Variants in ZNF608 observed in about 807,000 individuals in gnomAD.
ZNF608 encodes the protein renal carcinoma antigen NY-REN-36.
In ZNF608, 12 loss-of-function variants were observed where a neutral mutation model predicts 109.0. The ratio of observed to expected loss-of-function variants is 0.11; its 90% CI spans 0.07 to 0.18. The LOEUF is 0.18. Ranked by LOEUF, ZNF608 falls within the 10% of genes least tolerant of loss-of-function variation. The probability of loss-of-function intolerance (pLI) is 1.00; values close to 1 mark genes in which losing one functional copy is unlikely to be tolerated. For synonymous variants in ZNF608, 732 were observed against 717.4 expected (o/e 1.02, Z -0.33); for missense variants, 1,707 against 1,879.3 (o/e 0.91, Z 1.70).
At chr5:124,653,571 C>CT (rs1561539287) in intron 3 of ZNF608, among the ~76,000 whole-genome samples, 1 of 152,190 alleles carries the variant, frequency 6.6e-6, no homozygotes, top group East Asian at 1.9e-4. Context: ...ATAGTTTTGT[C>CT]TATTACCTGC....
intron 5 of ZNF608, 135 bp downstream of exon 5, chr5:124,646,544 T>C: frequency 9.4e-7 from 1 of 1,067,924 alleles, no homozygotes; most frequent in Non-Finnish European, 1.3e-6. Flanking sequence ...TCTTAAGATA[T>C]TTTTCAAGAG....
chr5:124,724,776 A>G (rs1278169313), intron 2 of ZNF608, among the ~76,000 whole-genome samples: 1 of 152,224 alleles, frequency 6.6e-6, no homozygotes, highest in African/African-American at 2.4e-5. Context: ...ATCAGTTAAT[A>G]TAATTCACAC....
At chr5:124,725,116 A>G (rs1468607557) in intron 2 of ZNF608, among the ~76,000 whole-genome samples, 1 of 152,042 alleles carries the variant, frequency 6.6e-6, no homozygotes, top group Non-Finnish European at 1.5e-5. Flanking sequence ...GATTGTACAC[A>G]GGTCCTGGGT....
At chr5:124,726,653 A>T (rs973687016) in intron 2 of ZNF608, among the ~76,000 whole-genome samples, 21 of 119,914 alleles carry the variant, frequency 1.8e-4, no homozygotes, top group African/African-American at 7.8e-4. Context: ...GTCAACAGTA[A>T]GATTTGTTTA....
chr5:124,731,780 C>G (rs932691243), intron 2 of ZNF608, among the ~76,000 whole-genome samples: 1 of 151,938 alleles, frequency 6.6e-6, no homozygotes, highest in Non-Finnish European at 1.5e-5. Context: ...GAGCCGAGAT[C>G]GTGCCACTGC....
At chr5:124,718,627 G>A in intron 2 of ZNF608, among the ~76,000 whole-genome samples, 1 of 152,188 alleles carries the variant, frequency 6.6e-6, no homozygotes, top group East Asian at 1.9e-4. Context: ...AATAAGAGGA[G>A]GGGCGATGTG....
At position 124,744,272 on chromosome 5, in the gene ZNF608, C is replaced by G. The variant is rs73782079; in HGVS notation, c.718G>C (p.Ala240Pro). 119 of 1,613,620 alleles carry G rather than the reference C, an allele frequency of 7.4e-5. No individual in the cohort carries two copies. In the African/African-American group the frequency reaches 1.5e-3, roughly 21 times the overall value. The change falls in exon 2 of 10, where the codon GCC becomes CCC. Residue 240 changes from alanine (A) to proline (P), a missense_variant. Ala to Pro is a conservative substitution (Grantham distance 27). Transcript: ENST00000513986. The surrounding 1 kb of genome is among the most constrained non-coding windows in gnomAD (Gnocchi z 4.5). Reference protein sequence around the residue: ...PSGGHLYGFGAKSNGGGASPF... With the variant: ...PSGGHLYGFGPKSNGGGASPF... ...CTCGCGCCACCTCCATTGCTCTTGG[C>G]CCCAAAGCCATAGAGGTGCCCCCCG... is the stretch of plus-strand genomic sequence containing the variant.
At chr5:124,665,960 A>C (rs1751462029) in intron 3 of ZNF608, among the ~76,000 whole-genome samples, 1 of 152,272 alleles carries the variant, frequency 6.6e-6, no homozygotes, top group African/African-American at 2.4e-5. Flanking sequence ...AAAGGCAATA[A>C]AGAAAACAGA....
At chr5:124,652,686 A>G (rs1194186936) in intron 3 of ZNF608, among the ~76,000 whole-genome samples, 1 of 152,274 alleles carries the variant, frequency 6.6e-6, no homozygotes, top group African/African-American at 2.4e-5. Flanking sequence ...AGGGCCAAGT[A>G]TAAAGGCGGT....
At position 124,673,493 on chromosome 5, in the gene ZNF608, A is replaced by G. The variant is rs375723306; in HGVS notation, c.1163-23796T>C. 2.2e-3 allele frequency among the ~76,000 whole-genome samples: 340 copies of G among 152,354 alleles called. 3 individuals are homozygous for G. Among genetic ancestry groups the G allele is most frequent in the African/African-American group, 7.9e-3 (330 of 41,582 alleles). ...ATTTATTTCCTAGTAAAAAAAATGT[A>G]TAAACATTCTTACACAATGCTAGGC... On this transcript the variant is annotated intron_variant, in intron 3 of 9. Coordinates refer to ENST00000513986, the MANE Select transcript of ZNF608 (RefSeq NM_020747.3).
rs144968753 is a variant in ZNF608 at position 124,722,899 on chromosome 5, G to A, written c.906+21185C>T. Among the ~76,000 whole-genome samples the A allele has an allele frequency of 7.0e-4, 106 of 152,034 alleles. No homozygotes were observed. In the East Asian group the frequency reaches 0.018, roughly 26 times the overall value. ...TTTATATTAAGAGTTCAATAATTCT[G>A]TATACTGGATCAAAAATTATTTAAG... is the stretch of plus-strand genomic sequence containing the variant. On this transcript the variant is annotated intron_variant, in intron 2 of 9. Transcript: ENST00000513986.
intron 3 of ZNF608, among the ~76,000 whole-genome samples, chr5:124,655,361 G>A (rs1004438276): frequency 3.9e-5 from 6 of 152,178 alleles, no homozygotes; most frequent in Non-Finnish European, 7.4e-5. Flanking sequence ...TCTTTAAAGT[G>A]CCTCATCCCC....
intron 3 of ZNF608, among the ~76,000 whole-genome samples, chr5:124,681,433 G>C (rs1752192213): frequency 6.6e-6 from 1 of 152,058 alleles, no homozygotes; most frequent in Non-Finnish European, 1.5e-5. Context: ...CTCCAGCCTG[G>C]GTGACAGAGC....
chr5:124,687,604 T>A (rs1006505834), intron 3 of ZNF608, among the ~76,000 whole-genome samples: 1 of 152,208 alleles, frequency 6.6e-6, no homozygotes, highest in African/African-American at 2.4e-5. Flanking sequence ...GTCTCCTGAC[T>A]GGGTTATGTC....
At chr5:124,697,017 G>C (rs1752874188) in intron 3 of ZNF608, among the ~76,000 whole-genome samples, 1 of 151,964 alleles carries the variant, frequency 6.6e-6, no homozygotes, top group African/African-American at 2.4e-5. Flanking sequence ...GGTTTTAAAA[G>C]CTCCCAAGGT....
chr5:124,673,089 C>G (rs1293827131), intron 3 of ZNF608, among the ~76,000 whole-genome samples: 1 of 152,178 alleles, frequency 6.6e-6, no homozygotes, highest in East Asian at 1.9e-4. Flanking sequence ...CTCCAATAGC[C>G]AATGAGGGGG....
chr5:124,655,408 G>T (rs566825216), intron 3 of ZNF608, among the ~76,000 whole-genome samples: 48 of 152,276 alleles, frequency 3.2e-4, no homozygotes, highest in Admixed American at 7.2e-4. Context: ...CAAATGCTGA[G>T]TTTGGAATCA....
intron 2 of ZNF608, among the ~76,000 whole-genome samples, chr5:124,718,365 G>C (rs1456040231): frequency 1.3e-5 from 2 of 152,226 alleles, no homozygotes; most frequent in Admixed American, 1.3e-4. Flanking sequence ...AAAGAATCAT[G>C]AAATGCCTCT....
At chr5:124,707,690 G>A (rs1051599397) in intron 2 of ZNF608, 3 of 152,116 alleles carry the variant, frequency 2.0e-5, no homozygotes, top group Non-Finnish European at 4.4e-5. Context: ...CTTTAGAGGC[G>A]ACCACTGCTG....
Sources: gnomAD v4.1 joint callset for allele counts (sites outside exome capture counted in the v4.1 genomes callset) on GRCh38, gnomAD v4.1.1 for gene constraint, Gnocchi (gnomAD v3.1) non-coding constraint, MANE v1.5 for transcripts, NCBI Gene and HGNC (gene_info 2026-07-23, HGNC 2026-07-21) for gene names.